MEGF11: variants seen among roughly 807,000 people sequenced by gnomAD.
MEGF11 encodes multiple epidermal growth factor-like domains protein 11.
MEGF11 carries 126 observed loss-of-function variants against 146.6 expected under a neutral mutation model. That is an observed-to-expected ratio of 0.86 (90% CI 0.74 to 1.00). The LOEUF (loss-of-function observed/expected upper bound fraction) is 1.00, where lower values mean the gene tolerates loss of function less well. Ranked by LOEUF, MEGF11 falls within the 50% of genes least tolerant of loss-of-function variation. MEGF11 has a pLI of 0.00. For synonymous variants in MEGF11, 532 were observed against 583.4 expected (o/e 0.91, Z 1.27); for missense variants, 1,509 against 1,521.2 (o/e 0.99, Z 0.13).
chr15:65,910,061 T>G, intron 21 of MEGF11: 1 of 637,390 alleles, frequency 1.6e-6, no homozygotes. Flanking sequence ...CTGGGGTAGC[T>G]TGAGCCAAGC....
chr15:66,252,237 C>T (rs958008664), intron 1 of MEGF11, among the ~76,000 whole-genome samples: 2 of 150,656 alleles, frequency 1.3e-5, no homozygotes, highest in Non-Finnish European at 3.0e-5. Flanking sequence ...CCCCACCCCC[C>T]ACCCCCCACC....
chr15:66,216,570 C>T (rs1212629530), intron 1 of MEGF11, among the ~76,000 whole-genome samples: 2 of 152,302 alleles, frequency 1.3e-5, no homozygotes, highest in Admixed American at 6.5e-5. Flanking sequence ...CAACCTCCAC[C>T]TTCTCTGGCA....
chr15:66,018,184 T>G (rs1018054826), intron 5 of MEGF11, among the ~76,000 whole-genome samples: 1 of 151,942 alleles, frequency 6.6e-6, no homozygotes, highest in Non-Finnish European at 1.5e-5. Flanking sequence ...GGAGTCTCCC[T>G]TGGGTGCCTG....
At chr15:66,057,243 G>GCGTC (rs1421430420) in intron 5 of MEGF11, among the ~76,000 whole-genome samples, 1 of 152,294 alleles carries the variant, frequency 6.6e-6, no homozygotes, top group East Asian at 1.9e-4. Context: ...CGAGGGTAGG[G>GCGTC]CGTCGGGGAG....
intron 5 of MEGF11, among the ~76,000 whole-genome samples, chr15:66,015,356 A>T (rs997786369): frequency 6.6e-6 from 1 of 152,228 alleles, no homozygotes; most frequent in Admixed American, 6.5e-5. Context: ...CTGAATCCAG[A>T]TTCTGCCACT....
chr15:66,188,521 C>G (rs1019054630), intron 1 of MEGF11, among the ~76,000 whole-genome samples: 3 of 152,202 alleles, frequency 2.0e-5, no homozygotes, highest in African/African-American at 7.2e-5. Flanking sequence ...CCTGCTAGAC[C>G]TTCCCGCACA....
At chr15:66,252,932 G>A (rs1465597949) in intron 1 of MEGF11, among the ~76,000 whole-genome samples, 1 of 152,182 alleles carries the variant, frequency 6.6e-6, no homozygotes, top group Non-Finnish European at 1.5e-5. Context: ...AGGGCAGGAG[G>A]ATCGTCCTGG....
intron 1 of MEGF11, among the ~76,000 whole-genome samples, chr15:66,213,012 C>T (rs2091501273): frequency 6.6e-6 from 1 of 152,166 alleles, no homozygotes. Context: ...GGCCAAGAAG[C>T]TGTTTGGTGA....
chr15:65,964,936 A>G lies in MEGF11; in HGVS notation c.1084T>C (p.Cys362Arg). 6.4e-7 allele frequency: 1 copy of G among 1,572,288 alleles called. No homozygotes were observed. The highest frequency in any genetic ancestry group is 8.6e-7 in the Non-Finnish European group (1 of 1,158,684). The change falls in exon 9 of 26, where the codon TGC becomes CGC. Residue 362 changes from cysteine to arginine, a missense_variant. Cys to Arg is a radical substitution (Grantham distance 180). Transcript: ENST00000395614. ...ATGGTGTTGTCAGCGTCACAGGGGCAGGGCAGGGTGCAGCCTGGGCCATGC... is the reference window on the plus strand; with the variant it reads ...ATGGTGTTGTCAGCGTCACAGGGGCGGGGCAGGGTGCAGCCTGGGCCATGC... ...GLHGPGCTLP[C>R]PCDADNTISC...
chr15:66,154,870 T>C (rs76792569), intron 1 of MEGF11, among the ~76,000 whole-genome samples: 476 of 152,296 alleles, frequency 3.1e-3, no homozygotes, highest in African/African-American at 0.011. Context: ...CCAACCAATA[T>C]TCAAGTGTTT....
At position 65,983,871 on chromosome 15, in the gene MEGF11, A is replaced by G. The variant is rs567818308; in HGVS notation, c.395-1383T>C. On this transcript the variant is annotated intron_variant, in intron 5 of 25. Transcript: ENST00000395614. ...AGTGGCGTTCAAGTGTTGGGCGTGT[A>G]CAAGGGTACAAGGTTCCAGTGTGGC... 3.3e-5 allele frequency among the ~76,000 whole-genome samples: 5 copies of G among 152,354 alleles called. No homozygotes were observed. The East Asian group carries it at 9.6e-4, about 29-fold the overall frequency.
chr15:66,039,819 G>T (rs1278845050), intron 5 of MEGF11, among the ~76,000 whole-genome samples: 11 of 48,898 alleles, frequency 2.2e-4, no homozygotes, highest in East Asian at 1.8e-3. Flanking sequence ...ACGGTCCTGA[G>T]CCGGGTCAGG....
At chr15:65,958,566 C>G (rs929873678) in intron 9 of MEGF11, among the ~76,000 whole-genome samples, 1 of 152,216 alleles carries the variant, frequency 6.6e-6, no homozygotes, top group Non-Finnish European at 1.5e-5. Context: ...CCACTTCCAG[C>G]TGGAACACAG....
intron 5 of MEGF11, among the ~76,000 whole-genome samples, chr15:65,996,447 T>C (rs1361240353): frequency 6.6e-6 from 1 of 151,954 alleles, no homozygotes; most frequent in African/African-American, 2.4e-5. Context: ...GTGGGAAACT[T>C]GCTATTTGAA....
intron 5 of MEGF11, among the ~76,000 whole-genome samples, chr15:66,033,267 C>T (rs1372804797): frequency 1.3e-5 from 2 of 152,266 alleles, no homozygotes; most frequent in African/African-American, 2.4e-5. Context: ...CCCTGAAGAA[C>T]ATTTCAGAGA....
At chr15:66,174,492 T>C (rs922076773) in intron 1 of MEGF11, among the ~76,000 whole-genome samples, 13 of 152,202 alleles carry the variant, frequency 8.5e-5, no homozygotes, top group African/African-American at 2.9e-4. Flanking sequence ...TCTTGCCTCC[T>C]GGCCTCTCCT....
At chr15:66,127,408 G>T (rs1015227335) in intron 2 of MEGF11, among the ~76,000 whole-genome samples, 1 of 152,232 alleles carries the variant, frequency 6.6e-6, no homozygotes, top group Non-Finnish European at 1.5e-5. Flanking sequence ...CCCAGAGCCA[G>T]GTCCTGCCTG....
intron 1 of MEGF11, among the ~76,000 whole-genome samples, chr15:66,244,283 G>C (rs16949735): frequency 0.022 from 3,409 of 152,178 alleles, 50 homozygotes; most frequent in South Asian, 0.058. Context: ...CTGAAGACCT[G>C]AGGCCCATTA....
At chr15:66,236,033 G>T (rs879808947) in intron 1 of MEGF11, among the ~76,000 whole-genome samples, 3 of 152,208 alleles carry the variant, frequency 2.0e-5, no homozygotes, top group Non-Finnish European at 4.4e-5. Context: ...AAGTCACTCA[G>T]CCCACCAGAG....
Sources: allele counts gnomAD v4.1 joint callset (sites outside exome capture counted in the v4.1 genomes callset), GRCh38; gene constraint gnomAD v4.1.1; transcripts MANE v1.5; gene names NCBI Gene and HGNC (gene_info 2026-07-23, HGNC 2026-07-21).